Variants in ADAMTS15 observed in about 807,000 individuals in gnomAD.
ADAMTS15 encodes ADAM metallopeptidase with thrombospondin type 1 motif 15.
In ADAMTS15, 35 loss-of-function variants were observed where a neutral mutation model predicts 79.1. The observed-to-expected ratio is 0.44, with a 90% CI of 0.34 to 0.59. The LOEUF is 0.59. Ranked by LOEUF, ADAMTS15 falls within the 20% of genes least tolerant of loss-of-function variation. The pLI, the probability that ADAMTS15 is intolerant of heterozygous loss-of-function variation, is 0.02. For synonymous variants in ADAMTS15, 616 were observed against 567.3 expected (o/e 1.09, Z -1.22); for missense variants, 1,324 against 1,318.7 (o/e 1.00, Z -0.06).
chr11:130,468,256 C>T (rs1040378893), intron 4 of ADAMTS15, among the ~76,000 whole-genome samples: 3 of 152,166 alleles, frequency 2.0e-5, no homozygotes, highest in Non-Finnish European at 2.9e-5. Flanking sequence ...CCCATTTTTG[C>T]AAGTGAAGCA....
intron 5 of ADAMTS15, among the ~76,000 whole-genome samples, chr11:130,469,828 G>C (rs758321253): frequency 2.0e-5 from 3 of 152,060 alleles, no homozygotes; most frequent in Non-Finnish European, 2.9e-5. Context: ...CCAAGAACTT[G>C]ATGGGGAAAA....
At chr11:130,470,166 A>G (rs1268189940) in intron 5 of ADAMTS15, among the ~76,000 whole-genome samples, 630 of 57,528 alleles carry the variant, frequency 0.011, 21 homozygotes, top group Non-Finnish European at 0.017. Context: ...ATATATATAT[A>G]TATATATATA....
chr11:130,471,768 C>G (rs1372901906), intron 7 of ADAMTS15, among the ~76,000 whole-genome samples: 2 of 152,166 alleles, frequency 1.3e-5, no homozygotes, highest in Non-Finnish European at 2.9e-5. Context: ...CTCTAGATGT[C>G]CCCACTTGTA....
chr11:130,476,146 C>T lies in ADAMTS15; in HGVS notation c.*2325C>T, dbSNP rs945231732. 6.6e-6 allele frequency: 1 copy of T among 152,146 alleles called. No individual in the cohort carries two copies. Among genetic ancestry groups the T allele is most frequent in the East Asian group, 1.9e-4 (1 of 5,192 alleles). The allele number at this position is 152,146 out of a possible 1,614,324, so 9.4% of individuals were successfully genotyped here. ...TATTTCCTTAATCCAACCATGCTCT[C>T]GAGGGCTGAGCAGAGACTAGACTCA... is the stretch of plus-strand genomic sequence containing the variant. On this transcript the variant is annotated 3_prime_UTR_variant, in exon 8 of 8. Transcript: ENST00000299164.
intron 1 of ADAMTS15, among the ~76,000 whole-genome samples, chr11:130,457,654 C>T (rs938875612): frequency 1.3e-5 from 2 of 151,974 alleles, no homozygotes; most frequent in African/African-American, 4.8e-5. Flanking sequence ...AGGAAGAAGG[C>T]AGAACAGCTT....
chr11:130,469,569 G>A (rs780229861), intron 5 of ADAMTS15, 130 bp downstream of exon 5: 3 of 695,562 alleles, frequency 4.3e-6, no homozygotes, highest in Non-Finnish European at 6.1e-6. Context: ...AGGTAGTCTA[G>A]TATTTCTATC....
rs57734988 is a variant in ADAMTS15, at chr11:130,462,061, C to G, written c.1091-26C>G. On this transcript the variant is annotated intron_variant, in intron 2 of 7. Coordinates refer to ENST00000299164, the MANE Select transcript of ADAMTS15 (RefSeq NM_139055.4). The surrounding 1 kb of genome is among the most constrained non-coding windows in gnomAD (Gnocchi z 4.3). ...ACCCCCATGTCCTTCCTCCTGCCCT[C>G]TCAGTCCTCTTGCCTTACCCCACAG... 1 of 1,600,542 alleles carries G rather than the reference C, an allele frequency of 6.2e-7. No homozygotes were observed. The highest frequency in any genetic ancestry group is 1.3e-5 in the African/African-American group (1 of 74,766).
At chr11:130,466,349 G>T (rs905681634) in intron 4 of ADAMTS15, among the ~76,000 whole-genome samples, 1 of 152,184 alleles carries the variant, frequency 6.6e-6, no homozygotes, top group African/African-American at 2.4e-5. Context: ...CTACAGACTT[G>T]CTTCTCTAAG....
intron 1 of ADAMTS15, among the ~76,000 whole-genome samples, chr11:130,454,529 A>T (rs774727786): frequency 6.6e-6 from 1 of 152,246 alleles, no homozygotes; most frequent in Non-Finnish European, 1.5e-5. Flanking sequence ...ATCTCCCTAT[A>T]CAATAGAAAA....
chr11:130,453,669 C>G (rs567824341), intron 1 of ADAMTS15, among the ~76,000 whole-genome samples: 2 of 152,274 alleles, frequency 1.3e-5, no homozygotes, highest in South Asian at 4.1e-4. Flanking sequence ...TCAAGAGATC[C>G]TCCTGCCTCA....
At chr11:130,451,066 T>C (rs1200964164) in intron 1 of ADAMTS15, among the ~76,000 whole-genome samples, 3 of 152,184 alleles carry the variant, frequency 2.0e-5, no homozygotes, top group African/African-American at 7.2e-5. Flanking sequence ...TGAGGAGTAT[T>C]TGGATTCTTG....
Position 130,449,448 on chromosome 11 carries a change from C to A in ADAMTS15, c.475C>A (p.Arg159Ser). The A allele has an allele frequency of 1.9e-6, 3 of 1,583,602 alleles. No individual in the cohort carries two copies. Among genetic ancestry groups the A allele is most frequent in the South Asian group, 2.2e-5 (2 of 89,360 alleles). Residue 159 changes from arginine (R) to serine (S), a missense_variant, in exon 1 of 8, where the codon CGC (arginine) becomes AGC (serine). Physicochemically the swap from Arg to Ser is moderately radical, Grantham distance 110 (BLOSUM62 -1). Coordinates refer to ENST00000299164, the MANE Select transcript of ADAMTS15 (RefSeq NM_139055.4). This position sits in a 1 kb window ranked among gnomAD's most constrained non-coding sequence, Gnocchi z 7.8. ...RNSQGAHLLQ[R>S]RGVPGGPSGD... ...CAGCCAGGGCGCACACCTTCTCCAGCGCCGGGGTGTTCCGGGCGGGCCTTC... is the reference window on the plus strand; with the variant it reads ...CAGCCAGGGCGCACACCTTCTCCAGAGCCGGGGTGTTCCGGGCGGGCCTTC...
In ADAMTS15 at chr11:130,474,051, C is replaced by A; in HGVS notation, c.*230C>A. ...TCTACCTCAGGCCCCGCTCCTCGGG[C>A]CGGTTGCGGGGAGAGGCTTTGAGGT... On this transcript the variant is annotated 3_prime_UTR_variant, in exon 8 of 8. Transcript: ENST00000299164. The A allele has an allele frequency of 1.8e-6, 1 of 562,120 alleles. No homozygotes were observed. Among genetic ancestry groups the A allele is most frequent in the South Asian group, 3.7e-5 (1 of 26,950 alleles). 34.8% of individuals were successfully genotyped at this position (562,120 alleles called of 1,614,324 possible).
At chr11:130,461,663 C>T in intron 2 of ADAMTS15, 42 bp downstream of exon 2, 8 of 1,610,070 alleles carry the variant, frequency 5.0e-6, no homozygotes, top group Non-Finnish European at 5.9e-6. Context: ...CTGGGTTTGC[C>T]TGGGGAGCCT....
At chr11:130,453,379 G>T (rs1938006485) in intron 1 of ADAMTS15, among the ~76,000 whole-genome samples, 1 of 145,792 alleles carries the variant, frequency 6.9e-6, no homozygotes, top group East Asian at 2.0e-4. Flanking sequence ...TGGTTATTCT[G>T]TCTGCTTCTT....
chr11:130,450,087 C>T (rs1937932150), intron 1 of ADAMTS15, 157 bp downstream of exon 1: 5 of 985,466 alleles, frequency 5.1e-6, no homozygotes, highest in South Asian at 4.7e-5. Flanking sequence ...CAGGGAGAGC[C>T]CTCTCCCACG....
At chr11:130,469,821 A>G (rs1592150118) in intron 5 of ADAMTS15, among the ~76,000 whole-genome samples, 1 of 152,270 alleles carries the variant, frequency 6.6e-6, no homozygotes, top group African/African-American at 2.4e-5. Flanking sequence ...CCAGAGCCCA[A>G]GAACTTGATG....
Position 130,462,753 on chromosome 11 carries a change from G to A in ADAMTS15, c.1515G>A (p.Val505=), listed in dbSNP as rs1050660190. Residue 505 remains valine (V), a synonymous_variant, in exon 4 of 8, where the codon GTG becomes GTA. Coordinates refer to ENST00000299164, the MANE Select transcript of ADAMTS15 (RefSeq NM_139055.4). This position sits in a 1 kb window ranked among gnomAD's most constrained non-coding sequence, Gnocchi z 4.3. ...EGKLCLKGAC[V]ERHNLNKHRV... ...AGCTCTGCCTCAAAGGGGCCTGCGTGGAGAGACACAACCTCAACAAGCACA... is the reference window on the plus strand; with the variant it reads ...AGCTCTGCCTCAAAGGGGCCTGCGTAGAGAGACACAACCTCAACAAGCACA... 6.3e-7 allele frequency: 1 copy of A among 1,598,362 alleles called. No individual in the cohort carries two copies. The highest frequency in any genetic ancestry group is 8.6e-7 in the Non-Finnish European group (1 of 1,167,664).
intron 4 of ADAMTS15, among the ~76,000 whole-genome samples, chr11:130,465,873 C>CT (rs71061391): frequency 0.015 from 2,134 of 144,164 alleles, 48 homozygotes; most frequent in African/African-American, 0.05. Flanking sequence ...TCTTTTCTTT[C>CT]TTTTTTTTTT....
Sources: gnomAD v4.1 joint callset for allele counts (sites outside exome capture counted in the v4.1 genomes callset) on GRCh38, gnomAD v4.1.1 for gene constraint, Gnocchi (gnomAD v3.1) non-coding constraint, MANE v1.5 for transcripts, NCBI Gene and HGNC (gene_info 2026-07-23, HGNC 2026-07-21) for gene names.